The following PAPPA2 variants were observed in gnomAD, a reference collection of about 807,000 sequenced individuals.
PAPPA2 encodes pappalysin 2.
A neutral mutation model predicts 176.4 loss-of-function variants in PAPPA2; 86 were observed. That is an observed-to-expected ratio of 0.49 (90% CI 0.41 to 0.58). The LOEUF (loss-of-function observed/expected upper bound fraction) is 0.58. Among genes scored for constraint, PAPPA2 ranks in the 20% least tolerant of loss-of-function variants. The pLI, the probability that PAPPA2 is intolerant of heterozygous loss-of-function variation, is 0.00. For missense variants in PAPPA2, 2,073 were observed against 2,256.9 expected, an observed-to-expected ratio of 0.92 and a Z score of 1.65; for synonymous variants, 809 against 852.2, an observed-to-expected ratio of 0.95 and a Z score of 0.88.
intron 21 of PAPPA2, among the ~76,000 whole-genome samples, chr1:176,801,652 G>C (rs970402677): frequency 2.6e-5 from 4 of 152,100 alleles, no homozygotes; most frequent in Admixed American, 1.3e-4. Flanking sequence ...AAGAAGGAGG[G>C]AAGAGAGGAG....
At chr1:176,736,344 A>ATC (rs1372416176) in intron 12 of PAPPA2, among the ~76,000 whole-genome samples, 1 of 151,692 alleles carries the variant, frequency 6.6e-6, no homozygotes, top group African/African-American at 2.4e-5. Flanking sequence ...CTATATATAT[A>ATC]TAAAATGTAT....
chr1:176,622,458 T>C (rs1655649193), intron 3 of PAPPA2, among the ~76,000 whole-genome samples: 1 of 152,210 alleles, frequency 6.6e-6, no homozygotes, highest in African/African-American at 2.4e-5. Flanking sequence ...ATAAAAACTG[T>C]GATCTAAGGA....
At chr1:176,563,059 G>C (rs2745255) in intron 2 of PAPPA2, among the ~76,000 whole-genome samples, 94,542 of 152,052 alleles carry the variant, frequency 0.62, 29,969 homozygotes, top group East Asian at 0.93. Context: ...TCCTCCAGAG[G>C]CAAATGCATG....
chr1:176,820,675 AC>A (rs1306081672), intron 21 of PAPPA2, among the ~76,000 whole-genome samples: 1 of 151,698 alleles, frequency 6.6e-6, no homozygotes, highest in Non-Finnish European at 1.5e-5. Flanking sequence ...TCTGCCTCCT[AC>A]CCTCTTTTCC....
At chr1:176,512,005 A>G (rs1648623681) in intron 1 of PAPPA2, among the ~76,000 whole-genome samples, 1 of 152,188 alleles carries the variant, frequency 6.6e-6, no homozygotes, top group Non-Finnish European at 1.5e-5. Context: ...CCTAGGTCAG[A>G]CAAAGTACTT....
chr1:176,481,562 G>A (rs1047935283), intron 1 of PAPPA2, among the ~76,000 whole-genome samples: 5 of 152,180 alleles, frequency 3.3e-5, no homozygotes, highest in African/African-American at 1.2e-4. Flanking sequence ...GTGACCAGTT[G>A]TCAAATTAGC....
intron 12 of PAPPA2, among the ~76,000 whole-genome samples, chr1:176,714,638 A>G (rs1226101597): frequency 6.6e-6 from 1 of 152,194 alleles, no homozygotes; most frequent in Non-Finnish European, 1.5e-5. Flanking sequence ...CTACCTATTT[A>G]AAATAACACA....
chr1:176,557,274 T>C, intron 2 of PAPPA2, 33 bp downstream of exon 2: 1 of 1,532,250 alleles, frequency 6.5e-7, no homozygotes, highest in Non-Finnish European at 8.8e-7. Context: ...TCTGAAATCC[T>C]GAGGGTATGG....
chr1:176,729,817 A>G (rs1662047666), intron 12 of PAPPA2, among the ~76,000 whole-genome samples: 1 of 152,074 alleles, frequency 6.6e-6, no homozygotes. Context: ...AAATTTTAGA[A>G]CAAGCCTTAA....
At chr1:176,495,463 C>T (rs1647553135) in intron 1 of PAPPA2, among the ~76,000 whole-genome samples, 2 of 151,622 alleles carry the variant, frequency 1.3e-5, no homozygotes, top group South Asian at 4.2e-4. Context: ...TCGCTTGAAC[C>T]CGGGAGGTGG....
chr1:176,534,795 C>T (rs1179561258), intron 1 of PAPPA2, among the ~76,000 whole-genome samples: 1 of 152,090 alleles, frequency 6.6e-6, no homozygotes, highest in Non-Finnish European at 1.5e-5. Context: ...TGTGCTTCAA[C>T]TGGAAGTATA....
At chr1:176,716,012 C>T (rs990700373) in intron 12 of PAPPA2, among the ~76,000 whole-genome samples, 2 of 150,696 alleles carry the variant, frequency 1.3e-5, no homozygotes, top group Non-Finnish European at 3.0e-5. Context: ...ATATTAATAA[C>T]TTCAAACAGG....
At chr1:176,706,522 T>C in intron 10 of PAPPA2, 72 bp downstream of exon 10, 1 of 1,249,190 alleles carries the variant, frequency 8.0e-7, no homozygotes, top group South Asian at 1.3e-5. Context: ...GTTCTTGATA[T>C]CCTGTAACAT....
rs1571214009 is a variant in PAPPA2 at position 176,712,698 on chromosome 1, G to A, written c.3798+717G>A. ...GTGGTGAACGTGTATAAACAGATGG[G>A]TATATTTGGAACTGCCAGATCGCAA... On this transcript the variant is annotated intron_variant, in intron 12 of 22. Coordinates refer to ENST00000367662, the MANE Select transcript of PAPPA2 (RefSeq NM_020318.3). Among the ~76,000 whole-genome samples, 6 of 152,146 alleles carry A rather than the reference G, an allele frequency of 3.9e-5. No homozygotes were observed. In the South Asian group the frequency reaches 1.2e-3, roughly 31 times the overall value.
chr1:176,495,454 C>T (rs916379810), intron 1 of PAPPA2, among the ~76,000 whole-genome samples: 1 of 151,002 alleles, frequency 6.6e-6, no homozygotes, highest in Non-Finnish European at 1.5e-5. Flanking sequence ...GCAGCAGAAT[C>T]GCTTGAACCC....
At chr1:176,794,766 T>A (rs1665349794) in intron 20 of PAPPA2, among the ~76,000 whole-genome samples, 1 of 119,022 alleles carries the variant, frequency 8.4e-6, no homozygotes, top group South Asian at 2.6e-4. Context: ...ATGCTGGATG[T>A]GAGAGACAAG....
At chr1:176,746,452 G>A (rs1350983972) in intron 14 of PAPPA2, among the ~76,000 whole-genome samples, 1 of 151,982 alleles carries the variant, frequency 6.6e-6, no homozygotes, top group Non-Finnish European at 1.5e-5. Flanking sequence ...TGTTGCCCAG[G>A]CTGGAGTGCA....
At chr1:176,626,495 A>G (rs1656023362) in intron 3 of PAPPA2, among the ~76,000 whole-genome samples, 1 of 152,198 alleles carries the variant, frequency 6.6e-6, no homozygotes, top group African/African-American at 2.4e-5. Flanking sequence ...AGTGAGCTAT[A>G]GTGTACAGCC....
At chr1:176,510,278 A>G (rs375145474) in intron 1 of PAPPA2, among the ~76,000 whole-genome samples, 1 of 152,178 alleles carries the variant, frequency 6.6e-6, no homozygotes, top group Non-Finnish European at 1.5e-5. Context: ...AGCAACAAAG[A>G]TAAGAATTAT....
Sources: gnomAD v4.1 joint callset for allele counts (sites outside exome capture counted in the v4.1 genomes callset) on GRCh38, gnomAD v4.1.1 for gene constraint, MANE v1.5 for transcripts, NCBI Gene and HGNC (gene_info 2026-07-23, HGNC 2026-07-21) for gene names.